The following TMEM108 variants were observed in gnomAD, a reference collection of about 807,000 sequenced individuals.
The protein encoded by TMEM108 is transmembrane protein 108.
In TMEM108, 12 loss-of-function variants were observed where a neutral mutation model predicts 35.1. The observed-to-expected ratio is 0.34, with a 90% CI of 0.22 to 0.55. The LOEUF is 0.55. TMEM108 is among the 20% of genes least tolerant of loss of function. The probability of loss-of-function intolerance (pLI) is 0.89; values close to 1 mark genes in which losing one functional copy is unlikely to be tolerated. For missense variants in TMEM108, 680 were observed against 753.3 expected, an observed-to-expected ratio of 0.90 and a Z score of 1.14; for synonymous variants, 287 against 308.6, an observed-to-expected ratio of 0.93 and a Z score of 0.73.
chr3:133,337,609 T>C (rs1309563488), intron 3 of TMEM108, among the ~76,000 whole-genome samples: 1 of 152,116 alleles, frequency 6.6e-6, no homozygotes, highest in Non-Finnish European at 1.5e-5. Flanking sequence ...CTGTGAAGAC[T>C]ACAATAAATA....
chr3:133,290,849 A>T (rs905483442), intron 3 of TMEM108, among the ~76,000 whole-genome samples: 18 of 152,206 alleles, frequency 1.2e-4, no homozygotes, highest in African/African-American at 4.3e-4. Context: ...AAAGGTAATA[A>T]AAATCACACC....
At chr3:133,168,961 G>A (rs1576357641) in intron 2 of TMEM108, among the ~76,000 whole-genome samples, 1 of 152,078 alleles carries the variant, frequency 6.6e-6, no homozygotes, top group Admixed American at 6.5e-5. Context: ...TATAGTCAGC[G>A]AGACCACGAA....
chr3:133,272,272 CGTGTGTGTGT>C (rs3078833), intron 3 of TMEM108, among the ~76,000 whole-genome samples: 11 of 137,838 alleles, frequency 8.0e-5, no homozygotes, highest in Admixed American at 4.4e-4. Flanking sequence ...CATACACGTA[CGTGTGTGTGT>C]GTGTGTGTGT....
chr3:133,353,313 T>G (rs1399790572), intron 3 of TMEM108, among the ~76,000 whole-genome samples: 3 of 152,168 alleles, frequency 2.0e-5, no homozygotes, highest in African/African-American at 7.2e-5. Flanking sequence ...TGGAGTACAA[T>G]CTAATGCTGA....
chr3:133,051,512 T>A (rs1014797345), intron 2 of TMEM108, among the ~76,000 whole-genome samples: 2 of 152,168 alleles, frequency 1.3e-5, no homozygotes, highest in Non-Finnish European at 2.9e-5. Context: ...CATTTTGAAT[T>A]ATAAAGAAGC....
intron 3 of TMEM108, among the ~76,000 whole-genome samples, chr3:133,322,295 CAG>C (rs940763808): frequency 1.3e-5 from 2 of 151,710 alleles, no homozygotes; most frequent in African/African-American, 4.8e-5. Context: ...ACCAAGAAAA[CAG>C]AGAGAAAATT....
chr3:133,101,991 G>A (rs1944094478), intron 2 of TMEM108, among the ~76,000 whole-genome samples: 1 of 152,170 alleles, frequency 6.6e-6, no homozygotes. Context: ...TAGTATTTTT[G>A]AGGCTATTCT....
At chr3:133,261,810 G>C (rs1337368700) in intron 3 of TMEM108, among the ~76,000 whole-genome samples, 1 of 152,148 alleles carries the variant, frequency 6.6e-6, no homozygotes, top group Admixed American at 6.5e-5. Flanking sequence ...TATTTTAGCG[G>C]CTGCTTCAGG....
chr3:133,370,919 T>C (rs199514859), intron 3 of TMEM108, among the ~76,000 whole-genome samples: 5,193 of 136,762 alleles, frequency 0.038, 341 homozygotes, highest in African/African-American at 0.13. Context: ...TGTGTGTGTG[T>C]GTGCCAGGAA....
At chr3:133,342,380 A>G (rs958672799) in intron 3 of TMEM108, among the ~76,000 whole-genome samples, 5 of 150,780 alleles carry the variant, frequency 3.3e-5, no homozygotes, top group Admixed American at 2.0e-4. Flanking sequence ...ATTGTTTGTA[A>G]CACAAAGGAT....
intron 2 of TMEM108, among the ~76,000 whole-genome samples, chr3:133,186,592 A>G (rs1945424580): frequency 6.6e-6 from 1 of 152,194 alleles, no homozygotes; most frequent in Non-Finnish European, 1.5e-5. Context: ...TCAGTCTGAG[A>G]GCATATTGTG....
intron 3 of TMEM108, among the ~76,000 whole-genome samples, chr3:133,282,081 T>C (rs904526520): frequency 3.9e-5 from 6 of 152,036 alleles, no homozygotes; most frequent in South Asian, 2.1e-4. Context: ...GGTGTGAACC[T>C]GGGAGGCGGA....
chr3:133,093,776 A>G (rs995229167), intron 2 of TMEM108, among the ~76,000 whole-genome samples: 2 of 151,908 alleles, frequency 1.3e-5, no homozygotes, highest in Non-Finnish European at 2.9e-5. Flanking sequence ...GCCTTTCTTG[A>G]TATTTCATTT....
At chr3:133,190,808 A>T (rs2107813939) in intron 2 of TMEM108, among the ~76,000 whole-genome samples, 1 of 152,286 alleles carries the variant, frequency 6.6e-6, no homozygotes, top group African/African-American at 2.4e-5. Context: ...AAGTATTCAG[A>T]CAATATATTT....
intron 2 of TMEM108, among the ~76,000 whole-genome samples, chr3:133,068,310 CTACTATG>C (rs1943635140): frequency 6.6e-6 from 1 of 151,934 alleles, no homozygotes; most frequent in Non-Finnish European, 1.5e-5. Context: ...GGTGTTGTGA[CTACTATG>C]TGTGGGGCAG....
intron 5 of TMEM108, among the ~76,000 whole-genome samples, chr3:133,393,540 C>T (rs894109586): frequency 1.3e-5 from 2 of 152,226 alleles, no homozygotes; most frequent in Non-Finnish European, 2.9e-5. Flanking sequence ...CAGAGCCTAA[C>T]ACACAGTAAA....
At chr3:133,058,217 A>G (rs1943496150) in intron 2 of TMEM108, among the ~76,000 whole-genome samples, 1 of 152,160 alleles carries the variant, frequency 6.6e-6, no homozygotes, top group Non-Finnish European at 1.5e-5. Context: ...ATCCCACTCC[A>G]CCTTCATTTT....
At chr3:133,084,817 C>A (rs374179128) in intron 2 of TMEM108, among the ~76,000 whole-genome samples, 1 of 152,150 alleles carries the variant, frequency 6.6e-6, no homozygotes, top group African/African-American at 2.4e-5. Flanking sequence ...TTCAAATATT[C>A]GTGAGATCAT....
At chr3:133,107,703 T>C (rs1369833280) in intron 2 of TMEM108, among the ~76,000 whole-genome samples, 1 of 152,158 alleles carries the variant, frequency 6.6e-6, no homozygotes, top group Non-Finnish European at 1.5e-5. Flanking sequence ...AGAAATTGGG[T>C]GACACATCCT....
Sources: gnomAD v4.1 joint callset for allele counts (sites outside exome capture counted in the v4.1 genomes callset) on GRCh38, gnomAD v4.1.1 for gene constraint, MANE v1.5 for transcripts, NCBI Gene and HGNC (gene_info 2026-07-23, HGNC 2026-07-21) for gene names.